Variants in LZTFL1 observed in about 807,000 individuals in gnomAD.
LZTFL1 encodes leucine zipper transcription factor like 1.
In LZTFL1, 25 loss-of-function variants were observed where a neutral mutation model predicts 45.9. That is an observed-to-expected ratio of 0.54 (90% CI 0.40 to 0.76). LZTFL1 has a LOEUF of 0.76. LZTFL1 is among the 30% of genes least tolerant of loss of function. The probability of loss-of-function intolerance (pLI) is 0.00; values close to 1 mark genes in which losing one functional copy is unlikely to be tolerated. For missense variants in LZTFL1, 277 were observed against 331.1 expected (o/e 0.84, Z 1.27); for synonymous variants, 93 against 117.4 (o/e 0.79, Z 1.35).
intron 2 of LZTFL1, among the ~76,000 whole-genome samples, chr3:45,910,390 G>A (rs966162303): frequency 7.9e-5 from 12 of 152,232 alleles, no homozygotes; most frequent in Non-Finnish European, 1.3e-4. Flanking sequence ...GAATCTGCAC[G>A]TTTGGGTGGT....
At chr3:45,883,798 C>T (rs534316485) in intron 2 of LZTFL1, 6 of 549,156 alleles carry the variant, frequency 1.1e-5, no homozygotes, top group African/African-American at 5.8e-5. Context: ...TGTCCAAGGC[C>T]CCAAGACCAT....
intron 1 of LZTFL1, among the ~76,000 whole-genome samples, chr3:45,838,794 A>C (rs1253932805): frequency 6.6e-6 from 1 of 152,222 alleles, no homozygotes; most frequent in Non-Finnish European, 1.5e-5. Context: ...GAGATTTACA[A>C]AGCAGTTTAG....
At position 45,842,104 on chromosome 3, in the gene LZTFL1, T is replaced by C; in HGVS notation, c.-113A>G. Reference sequence around the variant, plus strand: ...ACAGAAAATGGGGAAGGAGGGTAGGTTGTTTAGAAGCCTCTGGTTGCTAAC... The same window carrying C: ...ACAGAAAATGGGGAAGGAGGGTAGGCTGTTTAGAAGCCTCTGGTTGCTAAC... On this transcript the variant is annotated 5_prime_UTR_variant, in exon 1 of 10. Transcript: ENST00000296135. The C allele has an allele frequency of 1.3e-6, 2 of 1,553,370 alleles. No homozygotes were observed. Among genetic ancestry groups the C allele is most frequent in the Non-Finnish European group, 1.7e-6 (2 of 1,153,092 alleles).
At chr3:45,870,710 A>G (rs1701658043) in intron 2 of LZTFL1, among the ~76,000 whole-genome samples, 1 of 152,260 alleles carries the variant, frequency 6.6e-6, no homozygotes, top group South Asian at 2.1e-4. Flanking sequence ...AATGTTAATT[A>G]CACAATTAAG....
Position 45,901,310 on chromosome 3 carries a change from A to G in LZTFL1, c.-215+11810T>C, listed in dbSNP as rs147314165. On this transcript the variant is annotated intron_variant, in intron 2 of 4. Coordinates refer to the LZTFL1 transcript ENST00000472635. This position sits in a 1 kb window ranked among gnomAD's most constrained non-coding sequence, Gnocchi z 4.3. ...AAATGGTTTGCTTTACCATCTGGGT[A>G]TTGGCAGCTGCTCTCTGCATCCCAG... 618 of 1,614,190 alleles carry G rather than the reference A, an allele frequency of 3.8e-4. 3 individuals are homozygous for G. In the African/African-American group the frequency reaches 6.9e-3, roughly 18 times the overall value.
intron 4 of LZTFL1, among the ~76,000 whole-genome samples, chr3:45,851,756 G>C (rs957237479): frequency 1.3e-5 from 2 of 152,098 alleles, no homozygotes; most frequent in Non-Finnish European, 2.9e-5. Context: ...GCTGACGCGG[G>C]AGGATGGCTT....
intron 2 of LZTFL1, among the ~76,000 whole-genome samples, chr3:45,877,555 G>T (rs186003258): frequency 1.8e-3 from 280 of 151,872 alleles, no homozygotes; most frequent in Non-Finnish European, 2.7e-3. Context: ...CCTTTTGCTG[G>T]ACACCTGCCC....
At chr3:45,829,546 G>A (rs1050701792) in intron 7 of LZTFL1, among the ~76,000 whole-genome samples, 2 of 143,902 alleles carry the variant, frequency 1.4e-5, no homozygotes, top group Non-Finnish European at 3.0e-5. Flanking sequence ...CAAGGTTGTA[G>A]TGAGCCATGG....
Position 45,897,795 on chromosome 3 carries a change from C to G in LZTFL1, c.-215+15325G>C, listed in dbSNP as rs373190542. The G allele has an allele frequency of 1.2e-3, 693 of 573,022 alleles. 9 individuals are homozygous for G. The South Asian group carries it at 0.015, about 12-fold the overall frequency. The allele number at this position is 573,022 out of a possible 1,614,324, so 35.5% of individuals were successfully genotyped here. ...CTTGTCTGTCTTCCTCTTAACATGT[C>G]TTTAAAATCCATGCTGCTCCTCGCT... is the stretch of plus-strand genomic sequence containing the variant. On this transcript the variant is annotated intron_variant, in intron 2 of 4. Transcript: ENST00000472635.
At chr3:45,865,238 G>T (rs1701558616) in intron 2 of LZTFL1, among the ~76,000 whole-genome samples, 1 of 152,224 alleles carries the variant, frequency 6.6e-6, no homozygotes. Flanking sequence ...GAAGAGACCT[G>T]CCTCTTTCAG....
intron 3 of LZTFL1, among the ~76,000 whole-genome samples, chr3:45,855,249 T>A (rs887801213): frequency 6.6e-6 from 1 of 152,238 alleles, no homozygotes; most frequent in Non-Finnish European, 1.5e-5. Context: ...GATGCAAGGC[T>A]GGTTCAACAT....
At chr3:45,907,580 G>A (rs1056206465) in intron 2 of LZTFL1, among the ~76,000 whole-genome samples, 2 of 152,190 alleles carry the variant, frequency 1.3e-5, no homozygotes, top group East Asian at 1.9e-4. Flanking sequence ...TGGCCGAAGC[G>A]TCCCTTCTCG....
intron 1 of LZTFL1, among the ~76,000 whole-genome samples, chr3:45,914,019 A>G (rs1390583376): frequency 6.6e-6 from 1 of 152,224 alleles, no homozygotes; most frequent in Non-Finnish European, 1.5e-5. Context: ...CCTCCTCTCC[A>G]AGACTGAAAT....
At chr3:45,897,522 T>G in intron 2 of LZTFL1, 15 of 1,400,234 alleles carry the variant, frequency 1.1e-5, no homozygotes, top group Non-Finnish European at 1.4e-5. Context: ...ACCCAGGTCC[T>G]GGGATTTCTG....
chr3:45,901,515 C>A lies in LZTFL1; in HGVS notation c.-215+11605G>T, dbSNP rs1254877465. 6.2e-7 allele frequency: 1 copy of A among 1,614,216 alleles called. No individual in the cohort carries two copies. The highest frequency in any genetic ancestry group is 1.3e-5 in the African/African-American group (1 of 75,054). ...TACCATCATCATTCACACCCTGATA[C>A]AAGCCAAGAAGTCTTCCAAGCACAA... On this transcript the variant is annotated intron_variant, in intron 2 of 4. Coordinates refer to the LZTFL1 transcript ENST00000472635. The surrounding 1 kb of genome is among the most constrained non-coding windows in gnomAD (Gnocchi z 4.3).
chr3:45,877,602 T>G (rs988748838), intron 2 of LZTFL1, among the ~76,000 whole-genome samples: 7 of 152,104 alleles, frequency 4.6e-5, no homozygotes, highest in Non-Finnish European at 1.5e-5. Flanking sequence ...AGATATTGTT[T>G]TGGTTTTTCT....
chr3:45,909,600 C>A, intron 2 of LZTFL1, among the ~76,000 whole-genome samples: 1 of 152,200 alleles, frequency 6.6e-6, no homozygotes, highest in East Asian at 1.9e-4. Context: ...TATAAAGCCC[C>A]AAATCACAAT....
At chr3:45,853,591 C>G (rs750158215) in intron 4 of LZTFL1, among the ~76,000 whole-genome samples, 1 of 152,124 alleles carries the variant, frequency 6.6e-6, no homozygotes, top group Non-Finnish European at 1.5e-5. Flanking sequence ...GAACTCTTGT[C>G]CAGGGTTAAC....
At chr3:45,830,184 C>T (rs1266243094) in intron 7 of LZTFL1, among the ~76,000 whole-genome samples, 1 of 152,120 alleles carries the variant, frequency 6.6e-6, no homozygotes, top group Non-Finnish European at 1.5e-5. Flanking sequence ...GTTTGTTTAC[C>T]AGACATTTGC....
Sources: allele counts gnomAD v4.1 joint callset (sites outside exome capture counted in the v4.1 genomes callset), GRCh38; gene constraint gnomAD v4.1.1; non-coding constraint Gnocchi (gnomAD v3.1); transcripts MANE v1.5; gene names NCBI Gene and HGNC (gene_info 2026-07-23, HGNC 2026-07-21).